Variants in SLC22A3 observed in about 807,000 individuals in gnomAD.
SLC22A3 encodes the protein solute carrier family 22 member 3, also known as EMT organic cation transporter 3.
SLC22A3 carries 51 observed loss-of-function variants against 59.1 expected under a neutral mutation model. The observed-to-expected ratio is 0.86, with a 90% CI of 0.69 to 1.09. SLC22A3 has a LOEUF of 1.09. Ranked by LOEUF, SLC22A3 falls within the 50% of genes least tolerant of loss-of-function variation. SLC22A3 has a pLI of 0.00. For missense variants in SLC22A3, 711 were observed against 726.3 expected (o/e 0.98, Z 0.24); for synonymous variants, 325 against 292.0 (o/e 1.11, Z -1.15).
intron 5 of SLC22A3, among the ~76,000 whole-genome samples, chr6:160,413,370 A>T (rs1356460296): frequency 6.6e-6 from 1 of 152,252 alleles, no homozygotes; most frequent in Non-Finnish European, 1.5e-5. Context: ...AAGTCATTTT[A>T]ATTTTAATAT....
intron 5 of SLC22A3, among the ~76,000 whole-genome samples, chr6:160,435,535 G>A (rs1314737499): frequency 2.6e-5 from 4 of 152,192 alleles, no homozygotes; most frequent in South Asian, 2.1e-4. Flanking sequence ...TTGGAGCAAA[G>A]ATAGGCATAA....
Position 160,404,413 on chromosome 6 carries a change from G to C in SLC22A3, c.534-2628G>C, listed in dbSNP as rs192075660. Among the ~76,000 whole-genome samples, 98 of 152,146 alleles carry C rather than the reference G, an allele frequency of 6.4e-4. 2 individuals are homozygous for C. Among genetic ancestry groups the C allele is most frequent in the Admixed American group, 6.4e-3 (98 of 15,264 alleles). Reference sequence around the variant, plus strand: ...ATGTACAAGATTTATGTGAGGAAAAGTGCAAAACTCTAATGAAAGAAATTA... The same window carrying C: ...ATGTACAAGATTTATGTGAGGAAAACTGCAAAACTCTAATGAAAGAAATTA... On this transcript the variant is annotated intron_variant, in intron 2 of 10. Transcript: ENST00000275300.
intron 1 of SLC22A3, among the ~76,000 whole-genome samples, chr6:160,350,860 G>A (rs991427609): frequency 5.3e-5 from 8 of 152,196 alleles, no homozygotes; most frequent in South Asian, 2.1e-4. Context: ...GGGCTGGCTC[G>A]GTCTCCAGCT....
intron 1 of SLC22A3, among the ~76,000 whole-genome samples, chr6:160,378,408 A>G (rs1416041133): frequency 6.6e-6 from 1 of 152,178 alleles, no homozygotes. Context: ...GGCTTTGGCA[A>G]GCTTTAAAAG....
At chr6:160,395,226 GTA>G (rs1422162006) in intron 1 of SLC22A3, among the ~76,000 whole-genome samples, 1 of 152,172 alleles carries the variant, frequency 6.6e-6, no homozygotes, top group Non-Finnish European at 1.5e-5. Context: ...AAGATAATCA[GTA>G]TTATATTAAA....
At chr6:160,450,951 T>G (rs577522664) in intron 10 of SLC22A3, 45 bp from the exon 11 acceptor site, 6 of 1,520,160 alleles carry the variant, frequency 3.9e-6, no homozygotes, top group Admixed American at 1.9e-5. Flanking sequence ...CTCTTCTAAC[T>G]AGTTACATAA....
chr6:160,435,812 A>G (rs1468375699), intron 5 of SLC22A3, among the ~76,000 whole-genome samples: 2 of 152,212 alleles, frequency 1.3e-5, no homozygotes, highest in Non-Finnish European at 2.9e-5. Context: ...ACTGAGGAAC[A>G]GATATGACCA....
At chr6:160,362,621 G>A (rs2114754662) in intron 1 of SLC22A3, among the ~76,000 whole-genome samples, 1 of 152,352 alleles carries the variant, frequency 6.6e-6, no homozygotes, top group African/African-American at 2.4e-5. Flanking sequence ...CACAGGGAGG[G>A]GACTGAGGGA....
chr6:160,359,286 G>T (rs988974482), intron 1 of SLC22A3, among the ~76,000 whole-genome samples: 5 of 152,122 alleles, frequency 3.3e-5, no homozygotes, highest in African/African-American at 1.2e-4. Context: ...TTCAGGTTAG[G>T]GTTGAAGTAA....
chr6:160,351,405 G>A (rs1424172101), intron 1 of SLC22A3, among the ~76,000 whole-genome samples: 3 of 152,210 alleles, frequency 2.0e-5, no homozygotes, highest in African/African-American at 7.2e-5. Flanking sequence ...GTGAGCCACC[G>A]CGCCCAGCCT....
intron 5 of SLC22A3, among the ~76,000 whole-genome samples, chr6:160,431,369 G>T (rs1191642451): frequency 6.6e-6 from 1 of 152,168 alleles, no homozygotes; most frequent in Non-Finnish European, 1.5e-5. Context: ...CAAGGCCTTT[G>T]GATGCCTAGA....
chr6:160,406,901 T>A, intron 2 of SLC22A3, 140 bp from the exon 3 acceptor site: 1 of 1,018,278 alleles, frequency 9.8e-7, no homozygotes, highest in Non-Finnish European at 1.4e-6. Flanking sequence ...GGACACCCTG[T>A]CTCTACAAAA....
intron 10 of SLC22A3, among the ~76,000 whole-genome samples, chr6:160,450,371 C>T (rs907239504): frequency 1.3e-5 from 2 of 152,184 alleles, no homozygotes; most frequent in Non-Finnish European, 2.9e-5. Flanking sequence ...CTGTATTCTG[C>T]CCGATCCCAC....
rs1788985240 is a variant in SLC22A3, at chr6:160,451,986, C to CTT, written c.*931_*932dup. 1 of 152,184 alleles carries CTT rather than the reference C, an allele frequency of 6.6e-6. No homozygotes were observed. Among genetic ancestry groups the CTT allele is most frequent in the Non-Finnish European group, 1.5e-5 (1 of 68,036 alleles). The allele number at this position is 152,184 out of a possible 1,614,324, so 9.4% of individuals were successfully genotyped here. A position where few individuals can be genotyped will look rare whatever the true frequency, so the allele number is the denominator to read the frequency against. On this transcript the variant is annotated 3_prime_UTR_variant, in exon 11 of 11. Transcript: ENST00000275300. The stretch of plus-strand genomic sequence containing the variant: ...AAAACATGGACAATTCCTATTCATT[C>CTT]TTAGCACTTTGACATGTCTTGGGGA...
intron 10 of SLC22A3, among the ~76,000 whole-genome samples, 182 bp downstream of exon 10, chr6:160,448,000 C>A (rs914068492): frequency 6.6e-6 from 1 of 151,654 alleles, no homozygotes; most frequent in South Asian, 2.1e-4. Flanking sequence ...CCCTCCAGAG[C>A]TAGATAAGAG....
chr6:160,417,182 G>T (rs910255094), intron 5 of SLC22A3, among the ~76,000 whole-genome samples: 1 of 152,318 alleles, frequency 6.6e-6, no homozygotes, highest in Non-Finnish European at 1.5e-5. Context: ...CGCCCAAGGA[G>T]CAGAAGTGGC....
At chr6:160,437,273 A>G (rs1281588375) in intron 7 of SLC22A3, 62 bp downstream of exon 7, 2 of 1,503,036 alleles carry the variant, frequency 1.3e-6, no homozygotes, top group Non-Finnish European at 1.8e-6. Flanking sequence ...ATCCACAATC[A>G]AGTATAGGGA....
At chr6:160,448,589 G>A (rs1263232181) in intron 10 of SLC22A3, among the ~76,000 whole-genome samples, 2 of 151,922 alleles carry the variant, frequency 1.3e-5, no homozygotes, top group Non-Finnish European at 2.9e-5. Flanking sequence ...TTTGGAGGGG[G>A]GTGTTTAAAT....
intron 1 of SLC22A3, among the ~76,000 whole-genome samples, chr6:160,387,212 C>T (rs1024294816): frequency 6.6e-6 from 1 of 152,216 alleles, no homozygotes; most frequent in Non-Finnish European, 1.5e-5. Context: ...CATAAACAGG[C>T]CCAGCCCAAC....
Sources: allele counts gnomAD v4.1 joint callset (sites outside exome capture counted in the v4.1 genomes callset), GRCh38; gene constraint gnomAD v4.1.1; transcripts MANE v1.5; gene names NCBI Gene and HGNC (gene_info 2026-07-23, HGNC 2026-07-21).